PPM1E: variants seen among roughly 807,000 people sequenced by gnomAD.
PPM1E encodes protein phosphatase 1E.
A neutral mutation model predicts 65.9 loss-of-function variants in PPM1E; 20 were observed. The observed-to-expected ratio is 0.30, with a 90% CI of 0.21 to 0.44. The LOEUF is 0.44. PPM1E is among the 20% of genes least tolerant of loss of function. The pLI, the probability that PPM1E is intolerant of heterozygous loss-of-function variation, is 1.00. For missense variants in PPM1E, 713 were observed against 953.1 expected, an observed-to-expected ratio of 0.75 and a Z score of 3.32; for synonymous variants, 352 against 374.9, an observed-to-expected ratio of 0.94 and a Z score of 0.70.
chr17:58,825,265 A>ACAC (rs1555612293), intron 1 of PPM1E, among the ~76,000 whole-genome samples: 100 of 126,520 alleles, frequency 7.9e-4, no homozygotes, highest in South Asian at 2.2e-3. Flanking sequence ...CACACACACA[A>ACAC]AAATAAATAG....
At chr17:58,921,914 C>T (rs1362791919) in intron 1 of PPM1E, among the ~76,000 whole-genome samples, 1 of 151,644 alleles carries the variant, frequency 6.6e-6, no homozygotes, top group Non-Finnish European at 1.5e-5. Context: ...GTGGCACGCA[C>T]CTGTAATCCC....
rs758948828 is a variant in PPM1E at position 58,979,958 on chromosome 17, A to G, written c.1211-16A>G. 2 of 1,599,462 alleles carry G rather than the reference A, an allele frequency of 1.3e-6. No individual in the cohort carries two copies. Among genetic ancestry groups the G allele is most frequent in the Non-Finnish European group, 8.5e-7 (1 of 1,170,430 alleles). ...AAACAAATGCTAATGATGCCCCTAC[A>G]CTCTGCTTCCCGCAGGAGATGCTGA... On this transcript the variant is annotated splice_polypyrimidine_tract_variant and intron_variant, in intron 6 of 6. Coordinates refer to ENST00000308249, the MANE Select transcript of PPM1E (RefSeq NM_014906.5).
intron 1 of PPM1E, among the ~76,000 whole-genome samples, chr17:58,839,444 G>A (rs1445034124): frequency 2.0e-5 from 3 of 152,126 alleles, no homozygotes; most frequent in Non-Finnish European, 4.4e-5. Context: ...CAACCTCACC[G>A]AAGGGATGGG....
At chr17:58,840,819 T>C (rs983992434) in intron 1 of PPM1E, among the ~76,000 whole-genome samples, 7 of 152,218 alleles carry the variant, frequency 4.6e-5, no homozygotes, top group Admixed American at 1.3e-4. Context: ...GCCAGCGTCA[T>C]CAGTGGTAAA....
At chr17:58,874,077 G>A (rs924251393) in intron 1 of PPM1E, among the ~76,000 whole-genome samples, 18 of 152,140 alleles carry the variant, frequency 1.2e-4, no homozygotes, top group African/African-American at 3.9e-4. Flanking sequence ...AAAAAAATAC[G>A]TTAAGGTATG....
chr17:58,829,151 T>C (rs2143169749), intron 1 of PPM1E, among the ~76,000 whole-genome samples: 1 of 152,142 alleles, frequency 6.6e-6, no homozygotes. Context: ...CAAGCGATTC[T>C]CCTGCCTCAG....
At chr17:58,851,090 A>G (rs545701771) in intron 1 of PPM1E, among the ~76,000 whole-genome samples, 4 of 152,286 alleles carry the variant, frequency 2.6e-5, no homozygotes, top group Admixed American at 2.6e-4. Context: ...TTGTGCATGC[A>G]TCACGTAGTT....
At chr17:58,782,502 A>G (rs947705074) in intron 1 of PPM1E, among the ~76,000 whole-genome samples, 53 of 151,608 alleles carry the variant, frequency 3.5e-4, no homozygotes, top group Non-Finnish European at 5.9e-5. Context: ...CCCAGGTTCA[A>G]GTGATTTTCC....
intron 1 of PPM1E, among the ~76,000 whole-genome samples, chr17:58,869,895 T>A (rs1276429785): frequency 6.6e-6 from 1 of 152,226 alleles, no homozygotes; most frequent in African/African-American, 2.4e-5. Context: ...TATTTGGCTT[T>A]ATCAAAGATG....
Position 58,972,130 on chromosome 17 carries a change from A to G in PPM1E, c.973-2A>G, listed in dbSNP as rs1183790891. ...GTCTAGTTTTATTTAAACTGTTTTC[A>G]GAGCTTAAGATGTGGGACCACAGGA... On this transcript the variant is annotated splice_acceptor_variant, in intron 4 of 6. Transcript: ENST00000308249. LOFTEE classifies it high-confidence loss of function. 6.2e-7 allele frequency: 1 copy of G among 1,610,790 alleles called. No individual in the cohort carries two copies.
intron 1 of PPM1E, among the ~76,000 whole-genome samples, chr17:58,947,233 CTTTT>C (rs71145507): frequency 8.9e-5 from 4 of 45,070 alleles, no homozygotes; most frequent in African/African-American, 3.9e-4. Flanking sequence ...CACTCCTGGC[CTTTT>C]TTTTTTTTTT....
At chr17:58,818,031 G>A (rs544965441) in intron 1 of PPM1E, among the ~76,000 whole-genome samples, 43 of 152,160 alleles carry the variant, frequency 2.8e-4, no homozygotes, top group African/African-American at 1.0e-3. Flanking sequence ...GAGCCACCGC[G>A]CCCGGCCCAC....
intron 1 of PPM1E, among the ~76,000 whole-genome samples, chr17:58,849,959 G>T: frequency 6.6e-6 from 1 of 152,160 alleles, no homozygotes; most frequent in Non-Finnish European, 1.5e-5. Context: ...GAATCTGGGT[G>T]CTTCTGTATT....
intron 1 of PPM1E, among the ~76,000 whole-genome samples, chr17:58,855,508 T>A (rs1029419689): frequency 6.6e-6 from 1 of 152,190 alleles, no homozygotes; most frequent in Non-Finnish European, 1.5e-5. Flanking sequence ...CAATTCCTTT[T>A]ACCCAGTACA....
chr17:58,816,065 G>T (rs377029529), intron 1 of PPM1E, among the ~76,000 whole-genome samples: 2 of 151,644 alleles, frequency 1.3e-5, no homozygotes, highest in East Asian at 1.9e-4. Context: ...TTGCTCTGTT[G>T]CCCAGGCTGG....
chr17:58,902,228 G>T (rs2051507235), intron 1 of PPM1E, among the ~76,000 whole-genome samples: 1 of 152,016 alleles, frequency 6.6e-6, no homozygotes, highest in Non-Finnish European at 1.5e-5. Context: ...AATGCTGGTT[G>T]GAAATTTCAG....
chr17:58,781,629 C>T (rs866416541), intron 1 of PPM1E, among the ~76,000 whole-genome samples: 5 of 151,892 alleles, frequency 3.3e-5, no homozygotes, highest in East Asian at 1.9e-4. Context: ...GGGCCAGGCA[C>T]GGTGGCTGAT....
At chr17:58,969,388 G>A (rs1459812490) in intron 3 of PPM1E, 151 bp from the exon 4 acceptor site, 6 of 776,886 alleles carry the variant, frequency 7.7e-6, no homozygotes, top group Non-Finnish European at 1.4e-5. Context: ...AGTTGATCAG[G>A]CATGTTAGAG....
At chr17:58,764,775 G>A (rs1405024038) in intron 1 of PPM1E, among the ~76,000 whole-genome samples, 1 of 151,844 alleles carries the variant, frequency 6.6e-6, no homozygotes, top group Non-Finnish European at 1.5e-5. Context: ...TATATTTTTT[G>A]TAGAGATGAG....
Sources: gnomAD v4.1 joint callset for allele counts (sites outside exome capture counted in the v4.1 genomes callset) on GRCh38, gnomAD v4.1.1 for gene constraint, MANE v1.5 for transcripts, NCBI Gene and HGNC (gene_info 2026-07-23, HGNC 2026-07-21) for gene names.